The following ADAMTSL1 variants were observed in gnomAD, a reference collection of about 807,000 sequenced individuals.
The protein encoded by ADAMTSL1 is ADAMTS like 1.
In ADAMTSL1, 126 loss-of-function variants were observed where a neutral mutation model predicts 201.8. The ratio of observed to expected loss-of-function variants is 0.62; its 90% CI spans 0.54 to 0.72. The LOEUF (loss-of-function observed/expected upper bound fraction) is 0.72. Among genes scored for constraint, ADAMTSL1 ranks in the 30% least tolerant of loss-of-function variants. ADAMTSL1 has a pLI of 0.00. For missense variants in ADAMTSL1, 2,679 were observed against 2,277.8 expected (o/e 1.18, Z -3.59); for synonymous variants, 1,121 against 903.4 (o/e 1.24, Z -4.32).
chr9:17,970,810 A>G (rs11794617), intron 1 of ADAMTSL1, among the ~76,000 whole-genome samples: 46,971 of 151,786 alleles, frequency 0.31, 8,326 homozygotes, highest in African/African-American at 0.48. Flanking sequence ...CTGGCACTGA[A>G]TTTGCCAAAA....
At chr9:18,840,443 C>G (rs199522015) in intron 23 of ADAMTSL1, among the ~76,000 whole-genome samples, 6 of 152,030 alleles carry the variant, frequency 3.9e-5, no homozygotes, top group African/African-American at 9.7e-5. Flanking sequence ...CTGTAGCCTT[C>G]TGGTATAGTT....
chr9:18,411,576 A>G lies in ADAMTSL1; in HGVS notation c.208-93253A>G, dbSNP rs573454239. On this transcript the variant is annotated intron_variant, in intron 2 of 29. Coordinates refer to the ADAMTSL1 transcript ENST00000680146. Reference sequence around the variant, plus strand: ...AAAATGATTATAATATATGTATATAATTTCTAGATTTATTATCAGAATCGT... The same window carrying G: ...AAAATGATTATAATATATGTATATAGTTTCTAGATTTATTATCAGAATCGT... Among the ~76,000 whole-genome samples, 14 of 152,318 alleles carry G rather than the reference A, an allele frequency of 9.2e-5. No homozygotes were observed. The South Asian group carries it at 2.5e-3, about 27-fold the overall frequency.
intron 2 of ADAMTSL1, among the ~76,000 whole-genome samples, chr9:18,301,669 TGAAAA>T (rs1216978428): frequency 1.3e-5 from 2 of 152,160 alleles, no homozygotes; most frequent in Non-Finnish European, 2.9e-5. Flanking sequence ...CTCTGGTAAC[TGAAAA>T]GAAAAGTTAA....
rs572596752 is a variant in ADAMTSL1, at chr9:17,980,635, G to C, written c.87+73713G>C. The stretch of plus-strand genomic sequence containing the variant: ...GGTGGGGTTTTTGGGGGGCAATTGG[G>C]TCATGAGGGTAGAGCCTTCAGGAAT... On this transcript the variant is annotated intron_variant, in intron 1 of 29. Coordinates refer to the ADAMTSL1 transcript ENST00000680146. Among the ~76,000 whole-genome samples, 445 of 152,108 alleles carry C rather than the reference G, an allele frequency of 2.9e-3. 2 individuals are homozygous for C. The highest frequency in any genetic ancestry group is 0.01 in the African/African-American group (428 of 41,484).
chr9:18,528,678 A>G (rs1300836233), intron 2 of ADAMTSL1, among the ~76,000 whole-genome samples: 1 of 152,116 alleles, frequency 6.6e-6, no homozygotes, highest in Non-Finnish European at 1.5e-5. Flanking sequence ...ACCTGTGCAT[A>G]TTACATTTTT....
Position 18,279,453 on chromosome 9 carries a change from G to T in ADAMTSL1, c.207+115472G>T, listed in dbSNP as rs576090889. On this transcript the variant is annotated intron_variant, in intron 2 of 29. Transcript: ENST00000680146. ...AGTGATTTATTTTTTCACTTTGGTGGGGTCATGTTTCCCTGATTATCTGTG... is the reference window on the plus strand; with the variant it reads ...AGTGATTTATTTTTTCACTTTGGTGTGGTCATGTTTCCCTGATTATCTGTG... 6.9e-4 allele frequency among the ~76,000 whole-genome samples: 104 copies of T among 150,700 alleles called. No homozygotes were observed. The South Asian group carries it at 0.02, about 29-fold the overall frequency.
chr9:18,009,490 A>T (rs1819965824), intron 1 of ADAMTSL1, among the ~76,000 whole-genome samples: 1 of 152,052 alleles, frequency 6.6e-6, no homozygotes, highest in Non-Finnish European at 1.5e-5. Context: ...AGGGCCAATT[A>T]ATAGGCATTT....
At chr9:18,369,006 G>A (rs905724015) in intron 2 of ADAMTSL1, among the ~76,000 whole-genome samples, 9 of 152,130 alleles carry the variant, frequency 5.9e-5, no homozygotes, top group African/African-American at 1.9e-4. Context: ...TAGAGTTACT[G>A]TTCTTCACTT....
intron 1 of ADAMTSL1, among the ~76,000 whole-genome samples, chr9:17,979,220 C>A (rs924575343): frequency 2.0e-5 from 3 of 152,058 alleles, no homozygotes; most frequent in African/African-American, 7.2e-5. Context: ...CTTCCCAGAT[C>A]TGGGGAGTTT....
At chr9:18,491,500 T>A (rs2131856954) in intron 1 of ADAMTSL1, among the ~76,000 whole-genome samples, 1 of 152,308 alleles carries the variant, frequency 6.6e-6, no homozygotes, top group Admixed American at 6.5e-5. Flanking sequence ...CTCAAAGTAT[T>A]TGCTTCTACT....
At chr9:18,790,391 T>G (rs1445362860) in intron 19 of ADAMTSL1, among the ~76,000 whole-genome samples, 1 of 152,118 alleles carries the variant, frequency 6.6e-6, no homozygotes, top group Non-Finnish European at 1.5e-5. Context: ...GAGAAGTAGG[T>G]TCACACAAGA....
intron 1 of ADAMTSL1, among the ~76,000 whole-genome samples, chr9:17,958,058 C>G (rs942901307): frequency 1.3e-5 from 2 of 152,170 alleles, no homozygotes; most frequent in African/African-American, 4.8e-5. Flanking sequence ...TCACTCTTGT[C>G]TTACTTTTCT....
intron 2 of ADAMTSL1, among the ~76,000 whole-genome samples, chr9:18,468,980 A>C (rs1821106764): frequency 6.6e-6 from 1 of 152,206 alleles, no homozygotes; most frequent in Admixed American, 6.5e-5. Flanking sequence ...CAAAGAATCT[A>C]AAATCATATT....
chr9:18,520,993 C>T (rs918082865), intron 2 of ADAMTSL1, among the ~76,000 whole-genome samples: 1 of 152,078 alleles, frequency 6.6e-6, no homozygotes. Flanking sequence ...CACCAAGAAC[C>T]TCTGTTTCCG....
intron 23 of ADAMTSL1, among the ~76,000 whole-genome samples, chr9:18,830,393 G>A (rs1254185979): frequency 6.6e-6 from 1 of 152,150 alleles, no homozygotes; most frequent in Non-Finnish European, 1.5e-5. Flanking sequence ...CAACTTTCGA[G>A]GAGAAAGTCA....
chr9:17,960,671 G>A (rs1817712944), intron 1 of ADAMTSL1, among the ~76,000 whole-genome samples: 1 of 152,154 alleles, frequency 6.6e-6, no homozygotes, highest in South Asian at 2.1e-4. Context: ...ATAGCCCAGT[G>A]GGCAAGAAAG....
chr9:17,917,268 C>T (rs1826130984), intron 1 of ADAMTSL1, among the ~76,000 whole-genome samples: 1 of 151,940 alleles, frequency 6.6e-6, no homozygotes, highest in African/African-American at 2.4e-5. Context: ...ATGACACTAC[C>T]TTCGAACCTC....
At chr9:18,416,930 ACT>A (rs936287204) in intron 2 of ADAMTSL1, among the ~76,000 whole-genome samples, 5 of 151,944 alleles carry the variant, frequency 3.3e-5, no homozygotes, top group Non-Finnish European at 5.9e-5. Flanking sequence ...TTTATAGGAC[ACT>A]CTGGACATTT....
intron 2 of ADAMTSL1, among the ~76,000 whole-genome samples, chr9:18,243,593 C>A (rs1169446474): frequency 6.6e-6 from 1 of 152,008 alleles, no homozygotes; most frequent in East Asian, 1.9e-4. Context: ...GTTCATCCTG[C>A]CTTTCCCTCA....
Sources: gnomAD v4.1 joint callset for allele counts (sites outside exome capture counted in the v4.1 genomes callset) on GRCh38, gnomAD v4.1.1 for gene constraint, MANE v1.5 for transcripts, NCBI Gene and HGNC (gene_info 2026-07-23, HGNC 2026-07-21) for gene names.